The following CAMKMT variants were observed in gnomAD, a reference collection of about 807,000 sequenced individuals.
CAMKMT encodes the protein CaM KMT.
Under a neutral mutation model 48.0 loss-of-function variants are expected in CAMKMT, and 53 were observed. The observed-to-expected ratio is 1.10, with a 90% CI of 0.89 to 1.39. The LOEUF (loss-of-function observed/expected upper bound fraction) is 1.39, where lower values mean the gene tolerates loss of function less well. Ranked by LOEUF, CAMKMT falls within the 40% of genes most tolerant of loss-of-function variation. The pLI, the probability that CAMKMT is intolerant of heterozygous loss-of-function variation, is 0.00. For synonymous variants in CAMKMT, 165 were observed against 152.3 expected (o/e 1.08, Z -0.61); for missense variants, 428 against 402.7 (o/e 1.06, Z -0.54).
At chr2:44,517,835 A>T (rs1331787089) in intron 3 of CAMKMT, among the ~76,000 whole-genome samples, 2 of 152,212 alleles carry the variant, frequency 1.3e-5, no homozygotes, top group Non-Finnish European at 2.9e-5. Flanking sequence ...TTTCACTGAC[A>T]TGAATAATAA....
At chr2:44,540,058 T>C (rs563155155) in intron 3 of CAMKMT, among the ~76,000 whole-genome samples, 18 of 152,228 alleles carry the variant, frequency 1.2e-4, no homozygotes, top group African/African-American at 4.3e-4. Context: ...CCAAATCAAT[T>C]ATTAATATAA....
chr2:44,708,767 C>T (rs1573130644), intron 6 of CAMKMT, among the ~76,000 whole-genome samples: 1 of 152,064 alleles, frequency 6.6e-6, no homozygotes, highest in Non-Finnish European at 1.5e-5. Context: ...TCAGGGAATA[C>T]AGAGCAAGAG....
Position 44,766,562 on chromosome 2 carries a change from G to T in CAMKMT, c.894+1G>T. The T allele has an allele frequency of 6.2e-7, 1 of 1,613,638 alleles. No individual in the cohort carries two copies. Among genetic ancestry groups the T allele is most frequent in the Non-Finnish European group, 8.5e-7 (1 of 1,179,952 alleles). ...ACACATTTCAAACTTCCACTCCAAG[G>T]TTAGTTTTCTGCTTGTGTTAGATAA... On this transcript the variant is annotated splice_donor_variant, in intron 10 of 10. Transcript: ENST00000378494. LOFTEE classifies it high-confidence loss of function.
At chr2:44,391,434 G>A (rs533346114) in intron 3 of CAMKMT, among the ~76,000 whole-genome samples, 27 of 151,954 alleles carry the variant, frequency 1.8e-4, no homozygotes, top group Admixed American at 1.7e-3. Flanking sequence ...TTCCATGTTG[G>A]CATTTAGTGA....
At chr2:44,583,939 T>C (rs1218220036) in intron 3 of CAMKMT, among the ~76,000 whole-genome samples, 1 of 152,232 alleles carries the variant, frequency 6.6e-6, no homozygotes, top group Non-Finnish European at 1.5e-5. Flanking sequence ...AGTATATATG[T>C]ATGTATAAGC....
intron 3 of CAMKMT, among the ~76,000 whole-genome samples, chr2:44,453,528 A>G (rs1230626422): frequency 6.6e-6 from 1 of 152,088 alleles, no homozygotes; most frequent in African/African-American, 2.4e-5. Context: ...GCTATTTTTA[A>G]ACAGAAGAAA....
chr2:44,608,874 T>A (rs535189734), intron 3 of CAMKMT, among the ~76,000 whole-genome samples: 10 of 152,342 alleles, frequency 6.6e-5, no homozygotes, highest in Admixed American at 6.5e-4. Context: ...TGCTAATAGG[T>A]GCCTCTAAGC....
intron 3 of CAMKMT, among the ~76,000 whole-genome samples, chr2:44,541,640 G>A (rs1029809748): frequency 4.6e-5 from 7 of 151,884 alleles, no homozygotes; most frequent in Non-Finnish European, 1.0e-4. Context: ...GCATAGTGGT[G>A]CATCCTTGTA....
At chr2:44,597,260 C>G (rs1670720449) in intron 3 of CAMKMT, among the ~76,000 whole-genome samples, 1 of 152,208 alleles carries the variant, frequency 6.6e-6, no homozygotes, top group Non-Finnish European at 1.5e-5. Flanking sequence ...CTCTATATAA[C>G]TAAGTTCCGT....
rs1269975370 is a variant in CAMKMT at position 44,589,180 on chromosome 2, A to AG, written c.377-115099dup. The stretch of plus-strand genomic sequence containing the variant: ...GGCCAGCCGCCCTATCCAGGAGGTG[A>AG]GGGGCGCCTCTGCCCGGCCGCCCCT... On this transcript the variant is annotated intron_variant, in intron 3 of 10. Coordinates refer to ENST00000378494, the MANE Select transcript of CAMKMT (RefSeq NM_024766.5). Among the ~76,000 whole-genome samples, 85 of 48,998 alleles carry AG rather than the reference A, an allele frequency of 1.7e-3. 13 individuals carry two copies. Among genetic ancestry groups the AG allele is most frequent in the Non-Finnish European group, 2.8e-3 (66 of 23,530 alleles). The allele number at this position is 48,998 out of a possible 152,430, so 32.1% of individuals were successfully genotyped here.
At chr2:44,666,027 G>C (rs1187575130) in intron 3 of CAMKMT, among the ~76,000 whole-genome samples, 7 of 152,224 alleles carry the variant, frequency 4.6e-5, no homozygotes, top group Non-Finnish European at 7.3e-5. Flanking sequence ...CAAGCCATGT[G>C]AATTTAGGAG....
At chr2:44,567,651 T>A (rs1255414871) in intron 3 of CAMKMT, among the ~76,000 whole-genome samples, 1 of 152,062 alleles carries the variant, frequency 6.6e-6, no homozygotes, top group East Asian at 1.9e-4. Flanking sequence ...GAGACAGACA[T>A]GGGAAGGATG....
At chr2:44,765,380 A>C (rs1025157307) in intron 9 of CAMKMT, among the ~76,000 whole-genome samples, 1 of 152,208 alleles carries the variant, frequency 6.6e-6, no homozygotes, top group African/African-American at 2.4e-5. Context: ...GGTGCTCAAG[A>C]AATGGCTGGC....
intron 3 of CAMKMT, among the ~76,000 whole-genome samples, chr2:44,393,769 T>A (rs1558571906): frequency 6.6e-6 from 1 of 152,344 alleles, no homozygotes. Context: ...GAGTGCTCTA[T>A]AAGCATTGTA....
At chr2:44,714,156 C>T (rs889830207) in intron 6 of CAMKMT, among the ~76,000 whole-genome samples, 2 of 152,128 alleles carry the variant, frequency 1.3e-5, no homozygotes, top group Non-Finnish European at 2.9e-5. Flanking sequence ...AAAACATACG[C>T]AACAGGGTCT....
intron 3 of CAMKMT, among the ~76,000 whole-genome samples, chr2:44,399,463 A>T (rs1392871471): frequency 6.6e-6 from 1 of 152,088 alleles, no homozygotes; most frequent in Admixed American, 6.6e-5. Context: ...AAATTAATGT[A>T]ACAATAAATT....
chr2:44,593,763 CTTTTTTTT>C (rs61603790), intron 3 of CAMKMT, among the ~76,000 whole-genome samples: 2 of 122,698 alleles, frequency 1.6e-5, no homozygotes, highest in African/African-American at 6.3e-5. Flanking sequence ...AGACAACTTC[CTTTTTTTT>C]TTTTTTTTTG....
At chr2:44,363,977 A>G (rs1036171535) in intron 1 of CAMKMT, among the ~76,000 whole-genome samples, 2 of 143,378 alleles carry the variant, frequency 1.4e-5, no homozygotes, top group African/African-American at 5.2e-5. Flanking sequence ...GGTATCAGCC[A>G]CCATGCCTGC....
At chr2:44,474,651 G>T (rs902357410) in intron 3 of CAMKMT, among the ~76,000 whole-genome samples, 3 of 152,106 alleles carry the variant, frequency 2.0e-5, no homozygotes, top group Non-Finnish European at 4.4e-5. Context: ...CTAAGGCAGT[G>T]ACTGCTTCCT....
Sources: allele counts gnomAD v4.1 joint callset (sites outside exome capture counted in the v4.1 genomes callset), GRCh38; gene constraint gnomAD v4.1.1; transcripts MANE v1.5; gene names NCBI Gene and HGNC (gene_info 2026-07-23, HGNC 2026-07-21).